Variants in PGR observed in about 807,000 individuals in gnomAD.
PGR encodes the protein nuclear receptor subfamily 3 group C member 3.
Under a neutral mutation model 76.1 loss-of-function variants are expected in PGR, and 25 were observed. The ratio of observed to expected loss-of-function variants is 0.33; its 90% CI spans 0.24 to 0.46. The LOEUF is 0.46. Ranked by LOEUF, PGR falls within the 20% of genes least tolerant of loss-of-function variation. PGR has a pLI of 1.00. For missense variants in PGR, 1,172 were observed against 1,225.3 expected (o/e 0.96, Z 0.65); for synonymous variants, 579 against 535.0 (o/e 1.08, Z -1.14).
intron 6 of PGR, among the ~76,000 whole-genome samples, chr11:101,046,738 A>G (rs1859901324): frequency 1.3e-5 from 2 of 152,078 alleles, no homozygotes; most frequent in African/African-American, 2.4e-5. Context: ...ATATCCAAAC[A>G]GTTTTTTTCC....
At position 101,093,529 on chromosome 11, in the gene PGR, C is replaced by G. The variant is rs476852; in HGVS notation, c.1790-1653G>C. Reference sequence around the variant, plus strand: ...AGCCTGGAAAGCAAAGGCACAGTCTCGGCTCACCACAACGTCCACCTCCTG... The same window carrying G: ...AGCCTGGAAAGCAAAGGCACAGTCTGGGCTCACCACAACGTCCACCTCCTG... On this transcript the variant is annotated intron_variant, in intron 2 of 7. Coordinates refer to ENST00000325455, the MANE Select transcript of PGR (RefSeq NM_000926.4). 2.4e-4 allele frequency among the ~76,000 whole-genome samples: 37 copies of G among 152,058 alleles called. No homozygotes were observed. In the East Asian group the frequency reaches 6.2e-3, roughly 25 times the overall value.
chr11:101,071,628 C>CAT (rs1168100150), intron 3 of PGR, among the ~76,000 whole-genome samples: 2 of 151,730 alleles, frequency 1.3e-5, no homozygotes, highest in African/African-American at 4.8e-5. Flanking sequence ...TAGAGAAGAA[C>CAT]ATAAATGACC....
Position 101,039,001 on chromosome 11 carries a change from T to C in PGR, c.*115A>G. ...TTTCTTTTAAATTTACACACTATGA[T>C]GTTATAAATGTAAGGCTTTCAGAAG... On this transcript the variant is annotated 3_prime_UTR_variant, in exon 8 of 8. Transcript: ENST00000325455. 1.4e-6 allele frequency: 1 copy of C among 708,340 alleles called. No individual in the cohort carries two copies. Among genetic ancestry groups the C allele is most frequent in the South Asian group, 1.7e-5 (1 of 57,622 alleles). 43.9% of individuals were successfully genotyped at this position (708,340 alleles called of 1,614,324 possible).
chr11:101,105,812 A>G (rs1253639270), intron 2 of PGR, among the ~76,000 whole-genome samples: 1 of 152,188 alleles, frequency 6.6e-6, no homozygotes, highest in East Asian at 1.9e-4. Flanking sequence ...GCATCACACT[A>G]CCTGACTTCA....
In PGR at chr11:101,126,177, G is replaced by T. The variant is rs899896295; in HGVS notation, c.1638-19C>A. On this transcript the variant is annotated intron_variant, in intron 1 of 7. Coordinates refer to ENST00000325455, the MANE Select transcript of PGR (RefSeq NM_000926.4). ...ATCCGGCCTTGAAATGCAAAACAAA[G>T]TACTCCATTTATTTTTAAGTGCACC... The T allele has an allele frequency of 6.2e-7, 1 of 1,612,720 alleles. No homozygotes were observed. The highest frequency in any genetic ancestry group is 1.3e-5 in the African/African-American group (1 of 74,860).
intron 7 of PGR, 71 bp from the exon 8 acceptor site, chr11:101,039,342 A>C: frequency 8.7e-7 from 1 of 1,155,956 alleles, no homozygotes; most frequent in South Asian, 1.3e-5. Flanking sequence ...CAAACATGGC[A>C]ATTTATTTTT....
At chr11:101,115,044 G>A (rs1862458912) in intron 2 of PGR, among the ~76,000 whole-genome samples, 3 of 151,814 alleles carry the variant, frequency 2.0e-5, no homozygotes, top group Admixed American at 2.0e-4. Context: ...TTTGGGGGTG[G>A]GAATAAGGGG....
chr11:101,111,832 C>A (rs1300808203), intron 2 of PGR, among the ~76,000 whole-genome samples: 2 of 152,054 alleles, frequency 1.3e-5, no homozygotes, highest in African/African-American at 4.8e-5. Context: ...GGTGGTTTAT[C>A]CACAGTTTGG....
chr11:101,042,251 G>A, intron 6 of PGR, 149 bp from the exon 7 acceptor site: 1 of 698,100 alleles, frequency 1.4e-6, no homozygotes, highest in Non-Finnish European at 2.4e-6. Context: ...TAGTGTTATT[G>A]ATATCACTAT....
At chr11:101,110,522 T>C (rs929154229) in intron 2 of PGR, among the ~76,000 whole-genome samples, 10 of 152,126 alleles carry the variant, frequency 6.6e-5, no homozygotes, top group African/African-American at 2.2e-4. Flanking sequence ...CTCATAAAAT[T>C]TGAACACATG....
chr11:101,079,098 A>C (rs888087331), intron 3 of PGR, among the ~76,000 whole-genome samples: 2 of 152,184 alleles, frequency 1.3e-5, no homozygotes, highest in South Asian at 4.1e-4. Context: ...ACAGAACTAG[A>C]TCACTATCAC....
intron 4 of PGR, among the ~76,000 whole-genome samples, chr11:101,060,179 TTGTG>T (rs146242519): frequency 7.9e-5 from 12 of 152,040 alleles, no homozygotes; most frequent in Non-Finnish European, 1.3e-4. Context: ...TATATTTATA[TTGTG>T]TGTGTGTGCG....
chr11:101,061,767 T>G (rs1860507287), intron 4 of PGR, among the ~76,000 whole-genome samples: 1 of 152,186 alleles, frequency 6.6e-6, no homozygotes, highest in Non-Finnish European at 1.5e-5. Context: ...AATTTCATCC[T>G]TGTTATTCTT....
intron 2 of PGR, among the ~76,000 whole-genome samples, chr11:101,095,224 T>C (rs530248554): frequency 8.3e-4 from 126 of 152,354 alleles, no homozygotes; most frequent in Admixed American, 3.5e-3. Flanking sequence ...AAGTATTGAG[T>C]ATCTACTATA....
rs1859523895 is a variant in PGR, at chr11:101,036,596, A to C, written c.*2520T>G. 1 of 196,486 alleles carries C rather than the reference A, an allele frequency of 5.1e-6. No individual in the cohort carries two copies. The highest frequency in any genetic ancestry group is 2.3e-5 in the African/African-American group (1 of 43,294). 12.2% of individuals were successfully genotyped at this position (196,486 alleles called of 1,614,324 possible). A position where few individuals can be genotyped will look rare whatever the true frequency, so the allele number is the denominator to read the frequency against. On this transcript the variant is annotated 3_prime_UTR_variant, in exon 8 of 8. Coordinates refer to ENST00000325455, the MANE Select transcript of PGR (RefSeq NM_000926.4). Reference sequence around the variant, plus strand: ...GACTTTGTAGAGAAAAAGATTTAGAAATTAGGTATTTTCCATTTGGTGAAG... The same window carrying C: ...GACTTTGTAGAGAAAAAGATTTAGACATTAGGTATTTTCCATTTGGTGAAG...
intron 2 of PGR, among the ~76,000 whole-genome samples, chr11:101,105,386 G>C (rs560054808): frequency 2.6e-5 from 4 of 152,072 alleles, no homozygotes; most frequent in Non-Finnish European, 4.4e-5. Context: ...GGGAATAAGA[G>C]TGGCTTAAAC....
chr11:101,100,098 C>T (rs919662193), intron 2 of PGR, among the ~76,000 whole-genome samples: 1 of 152,130 alleles, frequency 6.6e-6, no homozygotes, highest in African/African-American at 2.4e-5. Flanking sequence ...TGTGTCACCA[C>T]CCAAACCTCA....
At chr11:101,115,784 A>C (rs566607705) in intron 2 of PGR, among the ~76,000 whole-genome samples, 47 of 151,670 alleles carry the variant, frequency 3.1e-4, no homozygotes, top group African/African-American at 1.1e-3. Context: ...AAAAAAGATA[A>C]GAATAAATGA....
chr11:101,037,881 G>C lies in PGR; in HGVS notation c.*1235C>G, dbSNP rs896718549. The C allele has an allele frequency of 4.6e-6, 1 of 217,436 alleles. No homozygotes were observed. Among genetic ancestry groups the C allele is most frequent in the African/African-American group, 2.3e-5 (1 of 44,414 alleles). The allele number at this position is 217,436 out of a possible 1,614,324, so 13.5% of individuals were successfully genotyped here. On this transcript the variant is annotated 3_prime_UTR_variant, in exon 8 of 8. Transcript: ENST00000325455. ...TATTGACCACTTTATATGGCTCCCA[G>C]ACTCCCAGGAGAGTCACAATTGTAA...
Sources: allele counts gnomAD v4.1 joint callset (sites outside exome capture counted in the v4.1 genomes callset), GRCh38; gene constraint gnomAD v4.1.1; transcripts MANE v1.5; gene names NCBI Gene and HGNC (gene_info 2026-07-23, HGNC 2026-07-21).